Variants in ENPEP observed in about 807,000 individuals in gnomAD.
ENPEP encodes glutamyl aminopeptidase.
ENPEP carries 103 observed loss-of-function variants against 114.5 expected under a neutral mutation model. The observed-to-expected ratio is 0.90, with a 90% CI of 0.77 to 1.06. ENPEP has a LOEUF of 1.06. Ranked by LOEUF, ENPEP falls within the 50% of genes least tolerant of loss-of-function variation. The probability of loss-of-function intolerance (pLI) is 0.00; values close to 1 mark genes in which losing one functional copy is unlikely to be tolerated. For synonymous variants in ENPEP, 420 were observed against 422.0 expected (o/e 1.00, Z 0.06); for missense variants, 1,196 against 1,161.3 (o/e 1.03, Z -0.43).
Position 110,559,773 on chromosome 4 carries a change from A to G in ENPEP, c.2721+48A>G, listed in dbSNP as rs59874908. 3,961 of 1,496,734 alleles carry G rather than the reference A, an allele frequency of 2.6e-3. 92 individuals carry two copies. In the African/African-American group the frequency reaches 0.046, roughly 18 times the overall value. The allele number at this position is 1,496,734 out of a possible 1,614,324, so 92.7% of individuals were successfully genotyped here. A position where few individuals can be genotyped will look rare whatever the true frequency, so the allele number is the denominator to read the frequency against. The stretch of plus-strand genomic sequence containing the variant: ...ATTTGTCCAAGAAGGAGCAGAATGA[A>G]ACTTTTTTAAAAAAAATTTTACTTT... On this transcript the variant is annotated intron_variant, in intron 19 of 19. Transcript: ENST00000265162.
intron 17 of ENPEP, among the ~76,000 whole-genome samples, chr4:110,551,691 AGG>A (rs1220084703): frequency 2.6e-5 from 4 of 152,164 alleles, no homozygotes; most frequent in African/African-American, 7.2e-5. Context: ...AGCCAGTGAG[AGG>A]GAGAACAACT....
chr4:110,550,577 T>C (rs556721274), intron 17 of ENPEP, among the ~76,000 whole-genome samples: 1 of 152,182 alleles, frequency 6.6e-6, no homozygotes, highest in Admixed American at 6.6e-5. Context: ...ACAAAGCTCA[T>C]CTATGACTCA....
At chr4:110,543,877 C>T (rs1458469800) in intron 13 of ENPEP, among the ~76,000 whole-genome samples, 1 of 152,008 alleles carries the variant, frequency 6.6e-6, no homozygotes, top group Non-Finnish European at 1.5e-5. Flanking sequence ...TATATTTCCT[C>T]ATAATATTTT....
At chr4:110,477,559 A>C (rs1260176784) in intron 1 of ENPEP, among the ~76,000 whole-genome samples, 1 of 152,136 alleles carries the variant, frequency 6.6e-6, no homozygotes, top group Non-Finnish European at 1.5e-5. Context: ...GAGACATTGA[A>C]AAATCACATG....
rs1224592612 is a variant in ENPEP at position 110,506,715 on chromosome 4, T to C, written c.997T>C (p.Phe333Leu). Residue 333 changes from phenylalanine (F) to leucine (L), a missense_variant, in exon 4 of 20, where the codon TTT becomes CTT. Physicochemically the swap from Phe to Leu is conservative, Grantham distance 22. Coordinates refer to ENST00000265162, the MANE Select transcript of ENPEP (RefSeq NM_001977.4). ...ANITKSVFDYFEEYFAMNYSL... is the reference protein window; with the variant it reads ...ANITKSVFDYLEEYFAMNYSL... The stretch of plus-strand genomic sequence containing the variant: ...CATAACTAAAAGTGTGTTTGATTAT[T>C]TTGAAGAATACTTTGCTATGAATTA... The C allele has an allele frequency of 1.9e-6, 3 of 1,607,702 alleles. No homozygotes were observed. The highest frequency in any genetic ancestry group is 2.6e-6 in the Non-Finnish European group (3 of 1,175,090).
At chr4:110,520,698 A>G (rs1725956812) in intron 10 of ENPEP, among the ~76,000 whole-genome samples, 1 of 152,222 alleles carries the variant, frequency 6.6e-6, no homozygotes, top group Non-Finnish European at 1.5e-5. Context: ...GGAGAAATAC[A>G]GACTGAGGAA....
intron 8 of ENPEP, among the ~76,000 whole-genome samples, chr4:110,518,059 G>A (rs1003427368): frequency 6.6e-6 from 1 of 152,116 alleles, no homozygotes. Context: ...AGCTAACCTG[G>A]TGTGGAACTA....
chr4:110,497,439 T>C (rs975666515), intron 3 of ENPEP, among the ~76,000 whole-genome samples: 1 of 152,118 alleles, frequency 6.6e-6, no homozygotes, highest in African/African-American at 2.4e-5. Context: ...TTTACAAAAA[T>C]ATAAACAAAA....
In ENPEP at chr4:110,482,792, T is replaced by C. The variant is rs537305587; in HGVS notation, c.644+5734T>C. Among the ~76,000 whole-genome samples, 3 of 152,272 alleles carry C rather than the reference T, an allele frequency of 2.0e-5. No individual in the cohort carries two copies. In the East Asian group the frequency reaches 5.8e-4, roughly 29 times the overall value. On this transcript the variant is annotated intron_variant, in intron 1 of 19. Transcript: ENST00000265162. ...GGAAGGCTGAGGTGGGCGGATCACC[T>C]GAGGTCAGGAGTTCGAGAGCAGCCT... is the stretch of plus-strand genomic sequence containing the variant.
chr4:110,540,467 C>A (rs1289188170), intron 11 of ENPEP, among the ~76,000 whole-genome samples: 1 of 151,994 alleles, frequency 6.6e-6, no homozygotes, highest in Non-Finnish European at 1.5e-5. Flanking sequence ...GTATATTAGT[C>A]CTGTATTTTA....
intron 10 of ENPEP, among the ~76,000 whole-genome samples, chr4:110,522,577 T>C (rs1726042731): frequency 6.6e-6 from 1 of 152,100 alleles, no homozygotes; most frequent in African/African-American, 2.4e-5. Context: ...CAGACCCCAC[T>C]TAGTAAACAG....
At chr4:110,534,504 C>CTGT (rs1726533108) in intron 11 of ENPEP, among the ~76,000 whole-genome samples, 2 of 52,276 alleles carry the variant, frequency 3.8e-5, no homozygotes, top group South Asian at 8.0e-4. Context: ...TTCGTTGTTT[C>CTGT]TTTTTTTTTT....
intron 1 of ENPEP, among the ~76,000 whole-genome samples, chr4:110,487,866 A>G (rs1356424123): frequency 6.6e-6 from 1 of 152,208 alleles, no homozygotes; most frequent in Non-Finnish European, 1.5e-5. Flanking sequence ...TTAACATTTT[A>G]GTTTACACCA....
At chr4:110,526,542 T>G (rs1726202435) in intron 10 of ENPEP, among the ~76,000 whole-genome samples, 2 of 151,614 alleles carry the variant, frequency 1.3e-5, no homozygotes, top group Non-Finnish European at 1.5e-5. Context: ...TAGCAGAGAG[T>G]GACTGGGAAA....
intron 10 of ENPEP, 102 bp downstream of exon 10, chr4:110,520,468 C>A: frequency 8.0e-7 from 1 of 1,246,566 alleles, no homozygotes; most frequent in Non-Finnish European, 1.1e-6. Context: ...GAGTGATATA[C>A]AAGTATAAAG....
At chr4:110,516,613 A>G (rs921623428) in intron 8 of ENPEP, among the ~76,000 whole-genome samples, 1 of 152,162 alleles carries the variant, frequency 6.6e-6, no homozygotes, top group Non-Finnish European at 1.5e-5. Context: ...GGAGAAGGTC[A>G]CCATTCACAT....
In ENPEP at chr4:110,549,414, C is replaced by T; in HGVS notation, c.2220C>T (p.Val740=). ...GATGGAATGATGCTGGAGACCATGT[C>T]ACAAAGTTATTCTCACTTTTTAACA... The part of the protein sequence containing the change: ...SLGWNDAGDH[V]TKLLRSSVLG... The change falls in exon 15 of 20, where the codon GTC becomes GTT. Residue 740 remains valine, a synonymous_variant. Transcript: ENST00000265162. 1 of 1,613,160 alleles carries T rather than the reference C, an allele frequency of 6.2e-7. No individual in the cohort carries two copies. The highest frequency in any genetic ancestry group is 8.5e-7 in the Non-Finnish European group (1 of 1,179,394).
intron 3 of ENPEP, 144 bp from the exon 4 acceptor site, chr4:110,506,493 C>A: frequency 2.7e-6 from 2 of 751,056 alleles, no homozygotes; most frequent in South Asian, 5.0e-5. Flanking sequence ...AGACAACACG[C>A]TAGTATGAGG....
At chr4:110,490,975 C>T (rs1724684932) in intron 2 of ENPEP, 58 bp from the exon 3 acceptor site, 3 of 1,549,008 alleles carry the variant, frequency 1.9e-6, no homozygotes, top group Admixed American at 2.0e-5. Context: ...ATTTGTTTGT[C>T]TTGCATATAT....
Sources: gnomAD v4.1 joint callset for allele counts (sites outside exome capture counted in the v4.1 genomes callset) on GRCh38, gnomAD v4.1.1 for gene constraint, MANE v1.5 for transcripts, NCBI Gene and HGNC (gene_info 2026-07-23, HGNC 2026-07-21) for gene names.